TLK2: variants seen among roughly 807,000 people sequenced by gnomAD.
TLK2 encodes serine/threonine-protein kinase tousled-like 2.
In TLK2, 6 loss-of-function variants were observed where a neutral mutation model predicts 117.3. The observed-to-expected ratio is 0.05, with a 90% CI of 0.03 to 0.10. The LOEUF is 0.10. Among genes scored for constraint, TLK2 ranks in the 10% least tolerant of loss-of-function variants. The pLI, the probability that TLK2 is intolerant of heterozygous loss-of-function variation, is 1.00. For synonymous variants in TLK2, 257 were observed against 316.7 expected (o/e 0.81, Z 2.00); for missense variants, 299 against 901.2 (o/e 0.33, Z 8.56).
intron 2 of TLK2, among the ~76,000 whole-genome samples, chr17:62,512,969 C>T (rs1263728611): frequency 2.0e-5 from 3 of 151,372 alleles, no homozygotes; most frequent in East Asian, 1.9e-4. Flanking sequence ...ACCTCTGCCT[C>T]CCAGGTTCAA....
At chr17:62,586,285 T>G (rs2081599704) in intron 16 of TLK2, 59 bp downstream of exon 16, 2 of 1,229,180 alleles carry the variant, frequency 1.6e-6, no homozygotes, top group Non-Finnish European at 2.4e-6. Context: ...AGTTTGAGCA[T>G]TATGCTACAA....
intron 7 of TLK2, among the ~76,000 whole-genome samples, chr17:62,547,989 A>G (rs1261304490): frequency 2.0e-5 from 3 of 152,186 alleles, no homozygotes; most frequent in Non-Finnish European, 4.4e-5. Flanking sequence ...TTTGTATTAT[A>G]TTCAGAACTT....
intron 9 of TLK2, among the ~76,000 whole-genome samples, chr17:62,554,898 A>G (rs1477203649): frequency 6.6e-6 from 1 of 151,686 alleles, no homozygotes; most frequent in East Asian, 1.9e-4. Context: ...AAAATTATAC[A>G]TGCTCTTTAC....
chr17:62,559,457 C>G (rs1326454827), intron 9 of TLK2, among the ~76,000 whole-genome samples: 1 of 151,234 alleles, frequency 6.6e-6, no homozygotes, highest in East Asian at 1.9e-4. Flanking sequence ...TGGCTCACTG[C>G]AGTCTTCGCC....
upstream of TLK2, among the ~76,000 whole-genome samples, chr17:62,478,373 G>A (rs2071167690): frequency 1.3e-5 from 2 of 151,026 alleles, no homozygotes; most frequent in South Asian, 4.1e-4. Context: ...TCCGGGAACG[G>A]GTGGACCCGG....
At chr17:62,563,460 AAAAT>A (rs2079463133) in intron 10 of TLK2, among the ~76,000 whole-genome samples, 1 of 152,158 alleles carries the variant, frequency 6.6e-6, no homozygotes, top group Non-Finnish European at 1.5e-5. Context: ...AAAAAAAAAG[AAAAT>A]AAATTCACTA....
intron 2 of TLK2, among the ~76,000 whole-genome samples, chr17:62,517,145 TC>T (rs554558105): frequency 8.7e-4 from 132 of 152,310 alleles, no homozygotes; most frequent in Non-Finnish European, 1.3e-3. Context: ...CCTCAAGTGA[TC>T]CGCCTGCCTC....
upstream of TLK2, among the ~76,000 whole-genome samples, chr17:62,476,084 A>G (rs2071036751): frequency 6.6e-6 from 1 of 152,102 alleles, no homozygotes; most frequent in African/African-American, 2.4e-5. Context: ...TTCAAGCAAA[A>G]TTCTCCTGTC....
At chr17:62,481,818 T>C (rs1202480159) in intron 2 of TLK2, among the ~76,000 whole-genome samples, 3 of 152,216 alleles carry the variant, frequency 2.0e-5, no homozygotes, top group Admixed American at 6.5e-5. Flanking sequence ...TCTCATAGGA[T>C]GATTTTACAA....
intron 18 of TLK2, 77 bp from the exon 19 acceptor site, chr17:62,601,962 CCTT>C: frequency 7.7e-7 from 1 of 1,299,212 alleles, no homozygotes; most frequent in Non-Finnish European, 1.1e-6. Context: ...TCAGTTGTCC[CCTT>C]CTTATCTGCT....
chr17:62,592,712 C>G (rs1305496278), intron 16 of TLK2, among the ~76,000 whole-genome samples: 2 of 152,182 alleles, frequency 1.3e-5, no homozygotes, highest in African/African-American at 4.8e-5. Context: ...CAGGATGATT[C>G]AAGCGCATTA....
intron 2 of TLK2, among the ~76,000 whole-genome samples, chr17:62,492,551 A>C (rs2073212425): frequency 6.6e-6 from 1 of 151,538 alleles, no homozygotes; most frequent in African/African-American, 2.4e-5. Context: ...TCCGCCTCCC[A>C]GGTTCAAGCG....
At chr17:62,511,445 A>G (rs2075138016) in intron 2 of TLK2, among the ~76,000 whole-genome samples, 1 of 152,196 alleles carries the variant, frequency 6.6e-6, no homozygotes, top group Non-Finnish European at 1.5e-5. Flanking sequence ...ATCTTAGCTC[A>G]CTGCAGCCTC....
intron 11 of TLK2, among the ~76,000 whole-genome samples, chr17:62,570,981 G>A (rs903919787): frequency 1.3e-5 from 2 of 152,160 alleles, no homozygotes; most frequent in African/African-American, 4.8e-5. Flanking sequence ...TATCTGTAGG[G>A]AGTTCAGAGT....
intron 1 of TLK2, among the ~76,000 whole-genome samples, chr17:62,471,825 C>G (rs1156466261): frequency 7.1e-6 from 1 of 140,966 alleles, no homozygotes; most frequent in Non-Finnish European, 1.5e-5. Flanking sequence ...GGGAGCAGTC[C>G]TTTTTCCTGG....
intron 11 of TLK2, 39 bp from the exon 12 acceptor site, chr17:62,573,176 T>G (rs948495788): frequency 5.7e-6 from 9 of 1,575,846 alleles, no homozygotes; most frequent in Non-Finnish European, 7.7e-6. Flanking sequence ...GTAAAACTTT[T>G]GACTTTCTTT....
intron 12 of TLK2, 107 bp from the exon 13 acceptor site, chr17:62,576,602 C>A: frequency 2.3e-6 from 2 of 860,172 alleles, no homozygotes; most frequent in Non-Finnish European, 3.8e-6. Flanking sequence ...GTCATTTTAA[C>A]TGAGACTGAA....
intron 7 of TLK2, among the ~76,000 whole-genome samples, chr17:62,538,548 C>T (rs1346472522): frequency 1.8e-4 from 28 of 152,140 alleles, no homozygotes; most frequent in Non-Finnish European, 1.5e-5. Context: ...AACTTGTTCC[C>T]CTTTCCATCT....
chr17:62,574,455 C>A, intron 12 of TLK2: 1 of 894,416 alleles, frequency 1.1e-6, no homozygotes, highest in South Asian at 1.5e-5. Context: ...TTAAGTATAG[C>A]GATAAAAATG....
Sources: gnomAD v4.1 joint callset for allele counts (sites outside exome capture counted in the v4.1 genomes callset) on GRCh38, gnomAD v4.1.1 for gene constraint, MANE v1.5 for transcripts, NCBI Gene and HGNC (gene_info 2026-07-23, HGNC 2026-07-21) for gene names.